Variants in IFT43 observed in about 807,000 individuals in gnomAD.
IFT43 encodes intraflagellar transport protein 43 homolog.
A neutral mutation model predicts 32.3 loss-of-function variants in IFT43; 33 were observed. That is an observed-to-expected ratio of 1.02 (90% confidence interval 0.77 to 1.37). The LOEUF is 1.37. IFT43 is among the 40% of genes most tolerant of loss of function. The probability of loss-of-function intolerance (pLI) is 0.00; values close to 1 mark genes in which losing one functional copy is unlikely to be tolerated. For missense variants in IFT43, 274 were observed against 265.9 expected (o/e 1.03, Z -0.21); for synonymous variants, 93 against 98.2 (o/e 0.95, Z 0.31).
In IFT43 at chr14:75,997,884, T is replaced by TTGTAAAAATG. The variant is rs368417594; in HGVS notation, c.147+8912_147+8921dup. Reference sequence around the variant, plus strand: ...GTCCTGCAGTTTAGCTAGAGTGGTCTTGTAAAAATGTGTATCAGTCATTTC... The same window carrying TTGTAAAAATG: ...GTCCTGCAGTTTAGCTAGAGTGGTCTTGTAAAAATGTGTAAAAATGTGTATCAGTCATTTC... On this transcript the variant is annotated intron_variant, in intron 2 of 8. Coordinates refer to ENST00000314067, the MANE Select transcript of IFT43 (RefSeq NM_001102564.3). Among the ~76,000 whole-genome samples, 304 of 152,330 alleles carry TTGTAAAAATG rather than the reference T, an allele frequency of 2.0e-3. 3 individuals are homozygous for TTGTAAAAATG. Among genetic ancestry groups the TTGTAAAAATG allele is most frequent in the African/African-American group, 7.0e-3 (289 of 41,572 alleles).
chr14:76,083,965 T>A (rs772605032), downstream of IFT43: 141 of 461,078 alleles, frequency 3.1e-4, 1 homozygote, highest in South Asian at 2.1e-3. Flanking sequence ...GGGGCCTCCC[T>A]TCCCGTGGGT....
In IFT43 at chr14:75,985,801, C is replaced by A; in HGVS notation, c.15C>A (p.Leu5=). 1.2e-6 allele frequency: 2 copies of A among 1,614,142 alleles called. No homozygotes were observed. The highest frequency in any genetic ancestry group is 1.3e-5 in the African/African-American group (1 of 75,052). The part of the protein sequence containing the change: MEDL[L]DLDEELRYSL... ...CGGCCGCGGAGATGGAGGATTTGCT[C>A]GACTTGGACGAGGAGCTTCGCTACA... The change falls in exon 1 of 9, where the codon CTC becomes CTA. Residue 5 remains leucine (L), a synonymous_variant. Transcript: ENST00000314067.
intron 2 of IFT43, among the ~76,000 whole-genome samples, chr14:76,021,057 C>A (rs2036281071): frequency 6.6e-6 from 1 of 152,020 alleles, no homozygotes; most frequent in Admixed American, 6.5e-5. Context: ...GTCCTTTAGA[C>A]CCCAGAAAAT....
At chr14:76,007,232 T>C (rs931541367) in intron 2 of IFT43, among the ~76,000 whole-genome samples, 1 of 152,186 alleles carries the variant, frequency 6.6e-6, no homozygotes, top group Non-Finnish European at 1.5e-5. Flanking sequence ...GACCTTGCTC[T>C]GTACTTATAG....
At chr14:76,081,326 G>A (rs142911739) in intron 5 of IFT43, among the ~76,000 whole-genome samples, 98 of 152,272 alleles carry the variant, frequency 6.4e-4, no homozygotes, top group African/African-American at 2.2e-3. Context: ...CCTTCTTTCC[G>A]TGTTTACAGT....
At chr14:76,070,581 A>G (rs1470298079) in intron 5 of IFT43, among the ~76,000 whole-genome samples, 1 of 152,124 alleles carries the variant, frequency 6.6e-6, no homozygotes, top group African/African-American at 2.4e-5. Flanking sequence ...TAACTACTTG[A>G]TATCATTTAG....
At chr14:76,035,886 C>T (rs964824058) in intron 3 of IFT43, among the ~76,000 whole-genome samples, 1 of 152,226 alleles carries the variant, frequency 6.6e-6, no homozygotes, top group Non-Finnish European at 1.5e-5. Context: ...CTCATCTGTC[C>T]ACCCATTTGT....
chr14:76,079,550 G>A (rs1335979288), intron 5 of IFT43, among the ~76,000 whole-genome samples: 1 of 152,218 alleles, frequency 6.6e-6, no homozygotes, highest in African/African-American at 2.4e-5. Context: ...TCCAGAGCCT[G>A]CTTCTTAACC....
chr14:76,064,358 A>C (rs905690876), intron 5 of IFT43, among the ~76,000 whole-genome samples: 1 of 152,256 alleles, frequency 6.6e-6, no homozygotes, highest in African/African-American at 2.4e-5. Flanking sequence ...TCTGCCTGTC[A>C]TCGCAGACTG....
intron 5 of IFT43, among the ~76,000 whole-genome samples, chr14:76,074,393 GA>G (rs2037376048): frequency 6.6e-6 from 1 of 152,068 alleles, no homozygotes; most frequent in South Asian, 2.1e-4. Flanking sequence ...GGCTCTGAGA[GA>G]GCTACTGCAG....
chr14:76,082,522 C>T, intron 6 of IFT43, 95 bp from the exon 7 acceptor site: 1 of 1,449,566 alleles, frequency 6.9e-7, no homozygotes, highest in Non-Finnish European at 9.7e-7. Context: ...TGGTCATCCC[C>T]TGCTGTATAC....
chr14:76,035,102 C>T (rs578101995), intron 3 of IFT43, among the ~76,000 whole-genome samples: 8 of 152,252 alleles, frequency 5.3e-5, no homozygotes, highest in African/African-American at 1.9e-4. Context: ...CAATGTCAGC[C>T]GTCATTTTCA....
At chr14:76,036,882 C>T (rs1309251864) in intron 3 of IFT43, among the ~76,000 whole-genome samples, 1 of 151,740 alleles carries the variant, frequency 6.6e-6, no homozygotes, top group Non-Finnish European at 1.5e-5. Flanking sequence ...GGCTAGAGTG[C>T]AGTGGCACGA....
chr14:76,048,351 T>C (rs1037701918), intron 3 of IFT43, among the ~76,000 whole-genome samples: 5 of 152,198 alleles, frequency 3.3e-5, no homozygotes, highest in Non-Finnish European at 5.9e-5. Flanking sequence ...CAGTCTCTGC[T>C]AAGGGGGACC....
At chr14:75,999,251 A>ATAAATTCATTT (rs2035817068) in intron 2 of IFT43, among the ~76,000 whole-genome samples, 3 of 15,236 alleles carry the variant, frequency 2.0e-4, no homozygotes, top group South Asian at 2.3e-3. Flanking sequence ...ATATATATAT[A>ATAAATTCATTT]TATATATATA....
At chr14:76,077,335 C>T (rs2037429679) in intron 5 of IFT43, among the ~76,000 whole-genome samples, 1 of 152,210 alleles carries the variant, frequency 6.6e-6, no homozygotes. Context: ...GAATCCTACT[C>T]AGGCAGCTTT....
chr14:76,067,176 T>C (rs2037238345), intron 5 of IFT43, among the ~76,000 whole-genome samples: 1 of 152,236 alleles, frequency 6.6e-6, no homozygotes, highest in Non-Finnish European at 1.5e-5. Context: ...CTTGGGAAGA[T>C]GCATGCTCTC....
intron 3 of IFT43, among the ~76,000 whole-genome samples, chr14:76,032,408 A>G (rs544147935): frequency 1.3e-5 from 2 of 152,272 alleles, no homozygotes; most frequent in East Asian, 1.9e-4. Flanking sequence ...TAGCATGCCA[A>G]CCAGTCAAAG....
chr14:76,022,954 C>G lies in IFT43; in HGVS notation c.215+560C>G, dbSNP rs1034635527. On this transcript the variant is annotated intron_variant, in intron 3 of 8. Coordinates refer to ENST00000314067, the MANE Select transcript of IFT43 (RefSeq NM_001102564.3). ...GGGAACAATACAGATGTCCCATCACCCTGCCTAGTTGGTATCTTGTGTTTA... is the reference window on the plus strand; with the variant it reads ...GGGAACAATACAGATGTCCCATCACGCTGCCTAGTTGGTATCTTGTGTTTA... 3.3e-5 allele frequency among the ~76,000 whole-genome samples: 5 copies of G among 152,340 alleles called. No homozygotes were observed. The South Asian group carries it at 8.3e-4, about 25-fold the overall frequency.
Sources: gnomAD v4.1 joint callset for allele counts (sites outside exome capture counted in the v4.1 genomes callset) on GRCh38, gnomAD v4.1.1 for gene constraint, MANE v1.5 for transcripts, NCBI Gene and HGNC (gene_info 2026-07-23, HGNC 2026-07-21) for gene names.